The following ATG7 variants were observed in gnomAD, a reference collection of about 807,000 sequenced individuals.
ATG7 encodes the protein autophagy related 7, also known as ubiquitin-like modifier-activating enzyme ATG7.
ATG7 carries 70 observed loss-of-function variants against 82.4 expected under a neutral mutation model. The observed-to-expected ratio is 0.85, with a 90% CI of 0.70 to 1.04. The LOEUF is 1.04. Among genes scored for constraint, ATG7 ranks in the 50% least tolerant of loss-of-function variants. The pLI is 0.00. For synonymous variants in ATG7, 287 were observed against 313.0 expected (o/e 0.92, Z 0.88); for missense variants, 792 against 864.3 (o/e 0.92, Z 1.05).
chr3:11,515,678 A>G (rs1406284886), intron 20 of ATG7, among the ~76,000 whole-genome samples: 5 of 151,968 alleles, frequency 3.3e-5, no homozygotes, highest in Non-Finnish European at 7.4e-5. Flanking sequence ...TAAGCCTCAT[A>G]GAACTGTTCT....
intron 18 of ATG7, among the ~76,000 whole-genome samples, chr3:11,373,056 A>G (rs1203580346): frequency 6.6e-6 from 1 of 151,190 alleles, no homozygotes; most frequent in Non-Finnish European, 1.5e-5. Context: ...TATTACAGAA[A>G]GAGTTAACTT....
intron 6 of ATG7, 114 bp from the exon 7 acceptor site, chr3:11,308,870 T>C: frequency 2.1e-6 from 2 of 935,858 alleles, no homozygotes; most frequent in Non-Finnish European, 3.5e-6. Flanking sequence ...GGGTAAGTGG[T>C]GCTGGGCCTG....
chr3:11,342,481 C>A (rs1005310581), intron 13 of ATG7, among the ~76,000 whole-genome samples: 7 of 152,110 alleles, frequency 4.6e-5, no homozygotes, highest in African/African-American at 1.4e-4. Context: ...CCTCCACACC[C>A]ATCGCAAGTC....
At chr3:11,280,581 C>T (rs543026003) in intron 1 of ATG7, among the ~76,000 whole-genome samples, 11 of 152,266 alleles carry the variant, frequency 7.2e-5, no homozygotes, top group African/African-American at 2.6e-4. Flanking sequence ...TATGAAATTT[C>T]AAATCTTGTT....
At chr3:11,382,436 AC>A (rs759230961) in intron 19 of ATG7, among the ~76,000 whole-genome samples, 3 of 152,242 alleles carry the variant, frequency 2.0e-5, no homozygotes, top group Non-Finnish European at 4.4e-5. Context: ...TTAGGTTGGC[AC>A]ATAACGAGGT....
chr3:11,320,877 T>C (rs1950126643), intron 9 of ATG7, among the ~76,000 whole-genome samples: 1 of 152,244 alleles, frequency 6.6e-6, no homozygotes, highest in Non-Finnish European at 1.5e-5. Flanking sequence ...GTGTTCTCTT[T>C]AATGTGAGCA....
chr3:11,365,978 G>A (rs1260917058), intron 18 of ATG7, among the ~76,000 whole-genome samples: 1 of 152,106 alleles, frequency 6.6e-6, no homozygotes, highest in East Asian at 1.9e-4. Context: ...CCAGCACTTT[G>A]GGAGGCCGAG....
intron 20 of ATG7, among the ~76,000 whole-genome samples, chr3:11,473,952 C>G (rs932448769): frequency 6.6e-6 from 1 of 152,220 alleles, no homozygotes; most frequent in Non-Finnish European, 1.5e-5. Context: ...CGTGAACTCC[C>G]TGATAAGCAC....
At chr3:11,533,134 C>G (rs1575219596) in intron 20 of ATG7, among the ~76,000 whole-genome samples, 1 of 152,182 alleles carries the variant, frequency 6.6e-6, no homozygotes, top group South Asian at 2.1e-4. Flanking sequence ...GTGCTCTTCA[C>G]CCCGGGTCTG....
In ATG7 at chr3:11,431,760, A is replaced by C. The variant is rs565624936; in HGVS notation, c.2079+4834A>C. On this transcript the variant is annotated intron_variant, in intron 20 of 20. Coordinates refer to ENST00000693202, the MANE Select transcript of ATG7 (RefSeq NM_001349232.2). ...TCTCAATGCTATTACAATTTTCCAT[A>C]TTCTTTGCACCTGTGGTCTGTCTCC... is the stretch of plus-strand genomic sequence containing the variant. 2.0e-5 allele frequency among the ~76,000 whole-genome samples: 3 copies of C among 152,318 alleles called. No individual in the cohort carries two copies. The East Asian group carries it at 5.8e-4, about 29-fold the overall frequency.
At chr3:11,528,408 T>A (rs1046092827) in intron 20 of ATG7, among the ~76,000 whole-genome samples, 2 of 152,106 alleles carry the variant, frequency 1.3e-5, no homozygotes, top group Non-Finnish European at 2.9e-5. Context: ...AGTCAGATGG[T>A]CACGTACCTC....
intron 20 of ATG7, among the ~76,000 whole-genome samples, chr3:11,433,388 G>A (rs921177363): frequency 4.7e-5 from 7 of 149,626 alleles, no homozygotes; most frequent in African/African-American, 7.4e-5. Context: ...ACAAAAATTT[G>A]CTGTGACTTA....
chr3:11,431,946 T>C (rs1338159671), intron 20 of ATG7, among the ~76,000 whole-genome samples: 1 of 152,202 alleles, frequency 6.6e-6, no homozygotes, highest in Non-Finnish European at 1.5e-5. Flanking sequence ...TGCAACCCAA[T>C]TTTTTGCACT....
intron 20 of ATG7, among the ~76,000 whole-genome samples, chr3:11,437,234 G>T (rs1473635161): frequency 2.3e-4 from 35 of 152,188 alleles, no homozygotes; most frequent in Admixed American, 2.3e-3. Context: ...TGCGTTTTCT[G>T]TAGATTATGA....
At chr3:11,294,507 G>A (rs553474736) in intron 3 of ATG7, among the ~76,000 whole-genome samples, 1 of 152,242 alleles carries the variant, frequency 6.6e-6, no homozygotes, top group South Asian at 2.1e-4. Flanking sequence ...ACAGGCGTGA[G>A]CCACTGAGCC....
intron 9 of ATG7, among the ~76,000 whole-genome samples, chr3:11,329,157 A>C (rs938472448): frequency 1.2e-4 from 18 of 152,200 alleles, no homozygotes; most frequent in Non-Finnish European, 7.3e-5. Flanking sequence ...TTTGTTTCAA[A>C]GTCCTAGTAA....
At chr3:11,327,899 G>T (rs1460946073) in intron 9 of ATG7, among the ~76,000 whole-genome samples, 8 of 152,214 alleles carry the variant, frequency 5.3e-5, no homozygotes, top group African/African-American at 1.9e-4. Flanking sequence ...ATTTCTGAAG[G>T]CTCCCAGGGA....
intron 19 of ATG7, among the ~76,000 whole-genome samples, chr3:11,417,805 A>ATTATTTTTTTTTT (rs1559578331): frequency 1.9e-5 from 1 of 52,742 alleles, no homozygotes; most frequent in South Asian, 7.0e-4. Flanking sequence ...TTATTATTTT[A>ATTATTTTTTTTTT]TTTTATTTTA....
chr3:11,443,662 C>T (rs2084219102), intron 20 of ATG7, among the ~76,000 whole-genome samples: 1 of 152,172 alleles, frequency 6.6e-6, no homozygotes, highest in South Asian at 2.1e-4. Context: ...GTTGGGATTA[C>T]AGGCCTGAGT....
Sources: allele counts gnomAD v4.1 joint callset (sites outside exome capture counted in the v4.1 genomes callset), GRCh38; gene constraint gnomAD v4.1.1; transcripts MANE v1.5; gene names NCBI Gene and HGNC (gene_info 2026-07-23, HGNC 2026-07-21).